ZMYM4: variants seen among roughly 807,000 people sequenced by gnomAD.
The protein encoded by ZMYM4 is zinc finger MYM-type containing 4.
In ZMYM4, 31 loss-of-function variants were observed where a neutral mutation model predicts 183.2. The ratio of observed to expected loss-of-function variants is 0.17; its 90% CI spans 0.13 to 0.23. The LOEUF (loss-of-function observed/expected upper bound fraction) is 0.23. Among genes scored for constraint, ZMYM4 ranks in the 10% least tolerant of loss-of-function variants. ZMYM4 has a pLI of 1.00. For missense variants in ZMYM4, 1,273 were observed against 1,840.3 expected (o/e 0.69, Z 5.64); for synonymous variants, 592 against 631.2 (o/e 0.94, Z 0.93).
chr1:35,291,870 C>T (rs1335048295), intron 1 of ZMYM4, among the ~76,000 whole-genome samples: 3 of 151,910 alleles, frequency 2.0e-5, no homozygotes, highest in Non-Finnish European at 4.4e-5. Flanking sequence ...GAACTCCTGA[C>T]CTCAGGTGAT....
rs763321746 is a variant in ZMYM4, at chr1:35,392,215, A to T, written c.2591A>T (p.Asn864Ile). The T allele has an allele frequency of 2.5e-6, 4 of 1,614,062 alleles. No individual in the cohort carries two copies. Among genetic ancestry groups the T allele is most frequent in the East Asian group, 2.2e-5 (1 of 44,888 alleles). ...CDPPSQNNAANISMVQAASAG... is the reference protein window; with the variant it reads ...CDPPSQNNAAIISMVQAASAG... ...TATTTTTGTTTATTTTAATCAGCAA[A>T]TATTTCCATGGTTCAAGCTGCTTCA... Residue 864 changes from asparagine (N) to isoleucine (I), a missense_variant, in exon 16 of 30, where the codon AAT (asparagine) becomes ATT (isoleucine). This residue lies in a region of ZMYM4 where 290 missense variants were observed against 353.3 expected (regional missense o/e 0.82). Transcript: ENST00000314607.
intron 7 of ZMYM4, among the ~76,000 whole-genome samples, chr1:35,381,052 G>A (rs1644447836): frequency 6.6e-6 from 1 of 152,096 alleles, no homozygotes; most frequent in African/African-American, 2.4e-5. Context: ...TATGAAGTAG[G>A]TGCTGTTAAT....
chr1:35,271,753 A>G (rs1639617709), intron 1 of ZMYM4, among the ~76,000 whole-genome samples: 1 of 152,200 alleles, frequency 6.6e-6, no homozygotes, highest in African/African-American at 2.4e-5. Context: ...GGACTTGTAT[A>G]GGTTTCCCCC....
chr1:35,380,904 T>G (rs997032865), intron 7 of ZMYM4, among the ~76,000 whole-genome samples: 8 of 152,198 alleles, frequency 5.3e-5, no homozygotes, highest in Non-Finnish European at 1.0e-4. Context: ...ATACAGTATT[T>G]TTTAAAGAAT....
chr1:35,296,430 T>C (rs1641013089), intron 1 of ZMYM4, among the ~76,000 whole-genome samples: 1 of 152,238 alleles, frequency 6.6e-6, no homozygotes. Flanking sequence ...CAGTAAATTC[T>C]AACCACCTTA....
Position 35,388,797 on chromosome 1 carries a change from A to G in ZMYM4, c.2264-113A>G, listed in dbSNP as rs1570501956. 9 of 954,208 alleles carry G rather than the reference A, an allele frequency of 9.4e-6. No individual in the cohort carries two copies. The East Asian group carries it at 2.5e-4, about 26-fold the overall frequency. The allele number at this position is 954,208 out of a possible 1,614,324, so 59.1% of individuals were successfully genotyped here. On this transcript the variant is annotated intron_variant, in intron 13 of 29. Transcript: ENST00000314607. ...AAGCACTCCTCCCGCCAGCCTCCCAAAGTGTTGGGATTACAGGTGTGAGCC... is the reference window on the plus strand; with the variant it reads ...AAGCACTCCTCCCGCCAGCCTCCCAGAGTGTTGGGATTACAGGTGTGAGCC...
chr1:35,389,826 C>A lies in ZMYM4; in HGVS notation c.2437-122C>A, dbSNP rs913333029. The A allele has an allele frequency of 5.4e-5, 45 of 836,366 alleles. No homozygotes were observed. In the Admixed American group the frequency reaches 1.2e-3, roughly 22 times the overall value. The allele number at this position is 836,366 out of a possible 1,614,324, so 51.8% of individuals were successfully genotyped here. A position where few individuals can be genotyped will look rare whatever the true frequency, so the allele number is the denominator to read the frequency against. ...GTGTGTGTATAATCATTGATAAAGA[C>A]AAACTAATTTTTTGATCTAAATTCT... On this transcript the variant is annotated intron_variant, in intron 14 of 29. Transcript: ENST00000314607. This position sits in a 1 kb window ranked among gnomAD's most constrained non-coding sequence, Gnocchi z 4.0.
At chr1:35,402,509 T>C (rs550850869) in intron 23 of ZMYM4, among the ~76,000 whole-genome samples, 4 of 152,066 alleles carry the variant, frequency 2.6e-5, no homozygotes, top group African/African-American at 9.6e-5. Context: ...CCCAGCTACT[T>C]GGAGGGCTGA....
At chr1:35,342,305 C>T (rs116525629) in intron 2 of ZMYM4, among the ~76,000 whole-genome samples, 2,526 of 152,154 alleles carry the variant, frequency 0.017, 64 homozygotes, top group African/African-American at 0.057. Flanking sequence ...CAGGCATGTG[C>T]CACCATTCCT....
At chr1:35,336,417 A>T (rs673293) in intron 2 of ZMYM4, among the ~76,000 whole-genome samples, 115,237 of 150,038 alleles carry the variant, frequency 0.77, 48,498 homozygotes, top group Non-Finnish European at 0.97. Flanking sequence ...ACAGAGTTTC[A>T]CTCTTGTTGC....
chr1:35,399,411 T>C (rs1299711970), intron 22 of ZMYM4, 71 bp from the exon 23 acceptor site: 1 of 1,343,420 alleles, frequency 7.4e-7, no homozygotes, highest in African/African-American at 1.4e-5. Flanking sequence ...GATATTTCTT[T>C]ACTAGTCTAA....
chr1:35,364,952 A>G (rs1199429219), intron 5 of ZMYM4, among the ~76,000 whole-genome samples: 2 of 152,132 alleles, frequency 1.3e-5, no homozygotes, highest in South Asian at 2.1e-4. Flanking sequence ...TTTGCCAGTC[A>G]TTGTCCGTCC....
rs144896765 is a variant in ZMYM4 at position 35,368,967 on chromosome 1, G to A, written c.841-1062G>A. Among the ~76,000 whole-genome samples, 152 of 152,160 alleles carry A rather than the reference G, an allele frequency of 1.0e-3. 4 individuals carry two copies. In the East Asian group the frequency reaches 0.028, roughly 28 times the overall value. The stretch of plus-strand genomic sequence containing the variant: ...TTAAAATATTATCTTCATTACTGAG[G>A]TTTTTGGTGCCCCCTTAATTTTGTA... On this transcript the variant is annotated intron_variant, in intron 5 of 29. Transcript: ENST00000314607.
intron 17 of ZMYM4, 68 bp downstream of exon 17, chr1:35,392,752 G>A (rs992431027): frequency 1.6e-6 from 2 of 1,216,380 alleles, no homozygotes; most frequent in Non-Finnish European, 2.3e-6. Flanking sequence ...GTATAAATAT[G>A]TGTGAACTAA....
At chr1:35,288,874 A>C (rs1640627525) in intron 1 of ZMYM4, among the ~76,000 whole-genome samples, 2 of 152,176 alleles carry the variant, frequency 1.3e-5, no homozygotes, top group African/African-American at 2.4e-5. Context: ...ATATCAGTTC[A>C]CTTTAGGAGA....
At chr1:35,401,691 C>G (rs760836155) in intron 23 of ZMYM4, among the ~76,000 whole-genome samples, 86 of 152,220 alleles carry the variant, frequency 5.6e-4, no homozygotes, top group Non-Finnish European at 1.1e-3. Context: ...TTGCCTAACT[C>G]ATAGTAACTA....
intron 25 of ZMYM4, among the ~76,000 whole-genome samples, chr1:35,406,474 T>C (rs1252226613): frequency 6.6e-6 from 1 of 152,076 alleles, no homozygotes; most frequent in Non-Finnish European, 1.5e-5. Flanking sequence ...TGAGCTATGA[T>C]TGCACCACTG....
At chr1:35,288,024 C>T (rs902496282) in intron 1 of ZMYM4, among the ~76,000 whole-genome samples, 8 of 152,190 alleles carry the variant, frequency 5.3e-5, no homozygotes, top group Admixed American at 2.0e-4. Flanking sequence ...CTATTAGTTA[C>T]TGGCTTCTAG....
rs397863926 is a variant in ZMYM4, at chr1:35,374,019, C to CTTTTTTT, written c.1181+3414_1181+3420dup. Reference sequence around the variant, plus strand: ...ATTCCAGTATGTTCATCATGGGATTCTTTTTTTTTTTTTTTTTTTTTTTTT... The same window carrying CTTTTTTT: ...ATTCCAGTATGTTCATCATGGGATTCTTTTTTTTTTTTTTTTTTTTTTTTTTTTTTTT... On this transcript the variant is annotated intron_variant, in intron 7 of 29. Transcript: ENST00000314607. Among the ~76,000 whole-genome samples, 9 of 52,792 alleles carry CTTTTTTT rather than the reference C, an allele frequency of 1.7e-4. 1 individual carries two copies. The highest frequency in any genetic ancestry group is 2.2e-4 in the Non-Finnish European group (6 of 27,136). The allele number at this position is 52,792 out of a possible 152,430, so 34.6% of individuals were successfully genotyped here. A position where few individuals can be genotyped will look rare whatever the true frequency, so the allele number is the denominator to read the frequency against.
Sources: gnomAD v4.1 joint callset for allele counts (sites outside exome capture counted in the v4.1 genomes callset) on GRCh38, gnomAD v4.1.1 for gene constraint, gnomAD v4.1.1 regional missense constraint, Gnocchi (gnomAD v3.1) non-coding constraint, MANE v1.5 for transcripts, NCBI Gene and HGNC (gene_info 2026-07-23, HGNC 2026-07-21) for gene names.